Variants in ZNF165 observed in about 807,000 individuals in gnomAD.
ZNF165 encodes the protein zinc finger protein 165.
A neutral mutation model predicts 19.6 loss-of-function variants in ZNF165; 14 were observed. That is an observed-to-expected ratio of 0.71 (90% CI 0.47 to 1.12). The LOEUF (loss-of-function observed/expected upper bound fraction) is 1.12, where lower values mean the gene tolerates loss of function less well. Among genes scored for constraint, ZNF165 ranks in the 50% most tolerant of loss-of-function variants. The pLI is 0.00. For synonymous variants in ZNF165, 165 were observed against 195.0 expected, an observed-to-expected ratio of 0.85 and a Z score of 1.28; for missense variants, 504 against 566.3, an observed-to-expected ratio of 0.89 and a Z score of 1.12.
Position 28,088,822 on chromosome 6 carries a change from A to T in ZNF165, c.810A>T (p.Ile270=). 1 of 1,614,232 alleles carries T rather than the reference A, an allele frequency of 6.2e-7. No homozygotes were observed. The part of the protein sequence containing the change: ...THKNTVRGEI[I]SHDGCERRLN... ...AAAATACAGTCAGAGGTGAAATAAT[A>T]AGCCACGATGGATGTGAGAGGAGAT... The change falls in exon 4 of 4, where the codon ATA becomes ATT. Residue 270 remains isoleucine, a synonymous_variant. Transcript: ENST00000683778.
intron 1 of ZNF165, among the ~76,000 whole-genome samples, chr6:28,083,081 AGAGTT>A (rs939124862): frequency 6.6e-6 from 1 of 152,218 alleles, no homozygotes; most frequent in East Asian, 1.9e-4. Flanking sequence ...AACTCAGACT[AGAGTT>A]GAGCAATTTC....
At chr6:28,085,045 A>C (rs1321505) in intron 1 of ZNF165, among the ~76,000 whole-genome samples, 16,164 of 152,104 alleles carry the variant, frequency 0.11, 959 homozygotes, top group Admixed American at 0.13. Context: ...TCAGAATTTC[A>C]TGTTTGCATT....
At chr6:28,084,407 A>G (rs1244331031) in intron 1 of ZNF165, among the ~76,000 whole-genome samples, 3 of 152,128 alleles carry the variant, frequency 2.0e-5, no homozygotes, top group African/African-American at 7.2e-5. Flanking sequence ...AATCCCAGCA[A>G]TTTGGGAGGC....
In ZNF165 at chr6:28,089,509, C is replaced by A; in HGVS notation, c.*39C>A. 1.3e-6 allele frequency: 2 copies of A among 1,497,644 alleles called. No individual in the cohort carries two copies. Among genetic ancestry groups the A allele is most frequent in the Non-Finnish European group, 1.8e-6 (2 of 1,121,436 alleles). 92.8% of individuals were successfully genotyped at this position (1,497,644 alleles called of 1,614,324 possible). On this transcript the variant is annotated 3_prime_UTR_variant, in exon 4 of 4. Coordinates refer to ENST00000683778, the MANE Select transcript of ZNF165 (RefSeq NM_001376491.1). The stretch of plus-strand genomic sequence containing the variant: ...GTAAGTAAATGCTGAGGAAATGGCA[C>A]AATATGAAAAATATTAAATAAAAAA...
In ZNF165 at chr6:28,085,471, C is replaced by T. The variant is rs1382691656; in HGVS notation, c.1-10C>T. On this transcript the variant is annotated splice_polypyrimidine_tract_variant and intron_variant, in intron 1 of 3. Transcript: ENST00000683778. ...TCCAAAGCAGTTCTGATAATATATT[C>T]TATCCACAGATGGCTACAGAACCAA... is the stretch of plus-strand genomic sequence containing the variant. The T allele has an allele frequency of 6.2e-7, 1 of 1,601,862 alleles. No homozygotes were observed.
chr6:28,087,092 A>G (rs1232791266), intron 3 of ZNF165, among the ~76,000 whole-genome samples: 1 of 152,190 alleles, frequency 6.6e-6, no homozygotes, highest in African/African-American at 2.4e-5. Context: ...AAAGTTAGCT[A>G]TAGTTCTAGA....
chr6:28,082,973 C>G (rs984978728), intron 1 of ZNF165, among the ~76,000 whole-genome samples: 1 of 151,038 alleles, frequency 6.6e-6, no homozygotes, highest in Non-Finnish European at 1.5e-5. Flanking sequence ...GATCCTTAAC[C>G]TCATGGAACA....
At chr6:28,086,418 C>A in intron 3 of ZNF165, 108 bp downstream of exon 3, 2 of 1,445,164 alleles carry the variant, frequency 1.4e-6, no homozygotes, top group Non-Finnish European at 1.8e-6. Flanking sequence ...CTTTATTACC[C>A]AATGAAAAGA....
At chr6:28,086,114 A>C in intron 2 of ZNF165, 58 bp from the exon 3 acceptor site, 3 of 1,563,354 alleles carry the variant, frequency 1.9e-6, no homozygotes. Context: ...CTTTGTTGTT[A>C]GAAGACGTTT....
At chr6:28,081,241 T>C (rs1046478073) in intron 1 of ZNF165, 1 of 152,190 alleles carries the variant, frequency 6.6e-6, no homozygotes, top group Non-Finnish European at 1.5e-5. Context: ...GTGGGGGCTG[T>C]CCTACTGATC....
chr6:28,088,049 C>T (rs887408807), intron 3 of ZNF165, among the ~76,000 whole-genome samples: 1 of 152,134 alleles, frequency 6.6e-6, no homozygotes, highest in Admixed American at 6.5e-5. Flanking sequence ...ACAGTGATGA[C>T]AGAATTTAGA....
Position 28,089,021 on chromosome 6 carries a change from G to C in ZNF165, c.1009G>C (p.Val337Leu). The change falls in exon 4 of 4, where the codon GTT becomes CTT. Residue 337 changes from valine to leucine, a missense_variant. Coordinates refer to ENST00000683778, the MANE Select transcript of ZNF165 (RefSeq NM_001376491.1). ...CCCAAAACTTGCTAAACATGCAGCA[G>C]TTTTCAGTGGAGATAAAACTCATCA... ...KSPKLAKHAA[V>L]FSGDKTHQCN... 6.2e-7 allele frequency: 1 copy of C among 1,614,170 alleles called. No homozygotes were observed. The highest frequency in any genetic ancestry group is 8.5e-7 in the Non-Finnish European group (1 of 1,180,032).
At chr6:28,088,325 A>G (rs1581484751) in intron 3 of ZNF165, among the ~76,000 whole-genome samples, 1 of 151,992 alleles carries the variant, frequency 6.6e-6, no homozygotes, top group African/African-American at 2.4e-5. Flanking sequence ...AATCCTCCCA[A>G]TCTTTTCTAA....
At chr6:28,083,661 G>A (rs1764205051) in intron 1 of ZNF165, among the ~76,000 whole-genome samples, 1 of 152,162 alleles carries the variant, frequency 6.6e-6, no homozygotes, top group Non-Finnish European at 1.5e-5. Flanking sequence ...CCCTTGATCA[G>A]GTATGCTCTC....
chr6:28,085,278 T>G (rs1194873832), intron 1 of ZNF165, among the ~76,000 whole-genome samples: 1 of 152,242 alleles, frequency 6.6e-6, no homozygotes, highest in African/African-American at 2.4e-5. Context: ...TCATTAACAG[T>G]TGTATTCTAG....
chr6:28,082,832 A>G (rs866311609), intron 1 of ZNF165, among the ~76,000 whole-genome samples: 36 of 152,222 alleles, frequency 2.4e-4, no homozygotes, highest in African/African-American at 8.2e-4. Flanking sequence ...TTTCTGTTGG[A>G]AATATTTTTC....
intron 3 of ZNF165, among the ~76,000 whole-genome samples, chr6:28,087,302 G>T (rs1383174696): frequency 6.6e-6 from 1 of 152,136 alleles, no homozygotes; most frequent in East Asian, 1.9e-4. Context: ...CTGGAGTGCA[G>T]TGGCGTGATC....
At position 28,088,978 on chromosome 6, in the gene ZNF165, T is replaced by A; in HGVS notation, c.966T>A (p.Tyr322Ter). ...IIYAGEKNHQYGKSFKSPKLA... is the reference protein window; with the variant it reads ...IIYAGEKNHQ ...ATGCTGGAGAAAAAAATCACCAATA[T>A]GGAAAATCTTTCAAGAGCCCAAAAC... The change falls in exon 4 of 4, where the codon TAT (tyrosine) becomes TAA (stop). Residue 322 changes from tyrosine (Y) to a stop codon, truncating the protein, a stop_gained. Transcript: ENST00000683778. LOFTEE classifies it low-confidence loss of function (END_TRUNC). 6.2e-7 allele frequency: 1 copy of A among 1,614,150 alleles called. No individual in the cohort carries two copies. Among genetic ancestry groups the A allele is most frequent in the East Asian group, 2.2e-5 (1 of 44,880 alleles).
rs374707152 is a variant in ZNF165 at position 28,085,827 on chromosome 6, G to C, written c.347G>C (p.Ser116Thr). Residue 116 changes from serine to threonine, a missense_variant, in exon 2 of 4, where the codon AGT becomes ACT. By Grantham distance (58) the Ser-to-Thr change is moderately conservative. Coordinates refer to ENST00000683778, the MANE Select transcript of ZNF165 (RefSeq NM_001376491.1). ...QAWVHEHYPE[S>T]GEEAVTILED... ...TGGGTACATGAACATTACCCAGAGA[G>C]TGGAGAGGAGGCAGTGACCATACTA... The C allele has an allele frequency of 5.0e-6, 8 of 1,613,672 alleles. No individual in the cohort carries two copies. Among genetic ancestry groups the C allele is most frequent in the Middle Eastern group, 1.7e-4 (1 of 5,908 alleles).
Sources: gnomAD v4.1 joint callset for allele counts (sites outside exome capture counted in the v4.1 genomes callset) on GRCh38, gnomAD v4.1.1 for gene constraint, MANE v1.5 for transcripts, NCBI Gene and HGNC (gene_info 2026-07-23, HGNC 2026-07-21) for gene names.